STPG2: variants seen among roughly 807,000 people sequenced by gnomAD.
STPG2 encodes the protein sperm-tail PG-rich repeat-containing protein 2.
STPG2 carries 56 observed loss-of-function variants against 54.2 expected under a neutral mutation model. The ratio of observed to expected loss-of-function variants is 1.03; its 90% CI spans 0.83 to 1.29. The LOEUF (loss-of-function observed/expected upper bound fraction) is 1.29, where lower values mean the gene tolerates loss of function less well. Among genes scored for constraint, STPG2 ranks in the 50% most tolerant of loss-of-function variants. The pLI, the probability that STPG2 is intolerant of heterozygous loss-of-function variation, is 0.00. For synonymous variants in STPG2, 200 were observed against 181.8 expected (o/e 1.10, Z -0.81); for missense variants, 596 against 544.9 (o/e 1.09, Z -0.93).
intron 4 of STPG2, among the ~76,000 whole-genome samples, chr4:97,534,526 A>G (rs1731486378): frequency 6.6e-6 from 1 of 152,124 alleles, no homozygotes; most frequent in Non-Finnish European, 1.5e-5. Context: ...ACATTTTTTG[A>G]AAAGACTTTT....
chr4:97,959,959 G>C (rs1733827399), intron 7 of STPG2, among the ~76,000 whole-genome samples: 2 of 152,182 alleles, frequency 1.3e-5, no homozygotes, highest in South Asian at 4.1e-4. Flanking sequence ...CAAAATACTA[G>C]CTCACTGAAT....
intron 5 of STPG2, among the ~76,000 whole-genome samples, chr4:98,075,312 G>A (rs1030812219): frequency 2.6e-4 from 40 of 152,288 alleles, no homozygotes; most frequent in Non-Finnish European, 4.7e-4. Context: ...CACAGCATGT[G>A]AGGATTGCTT....
At chr4:97,987,807 C>T (rs886678526) in intron 5 of STPG2, among the ~76,000 whole-genome samples, 76 of 151,922 alleles carry the variant, frequency 5.0e-4, no homozygotes, top group African/African-American at 1.8e-3. Context: ...CCACAACTAC[C>T]ACTCTGATCA....
At chr4:98,018,193 G>C (rs1736033580) in intron 5 of STPG2, among the ~76,000 whole-genome samples, 1 of 151,158 alleles carries the variant, frequency 6.6e-6, no homozygotes. Flanking sequence ...ACAGTCCCCA[G>C]AGTGTGATGT....
At chr4:97,550,715 T>G (rs1377041671) in intron 4 of STPG2, among the ~76,000 whole-genome samples, 2 of 152,202 alleles carry the variant, frequency 1.3e-5, no homozygotes, top group Non-Finnish European at 2.9e-5. Flanking sequence ...GTCCAGAGTT[T>G]GTTCCTTCAG....
intron 5 of STPG2, among the ~76,000 whole-genome samples, chr4:98,102,823 CAT>C (rs1739083033): frequency 3.3e-5 from 4 of 121,312 alleles, no homozygotes; most frequent in African/African-American, 6.4e-5. Flanking sequence ...ATATATATAA[CAT>C]ATATTAATAT....
intron 8 of STPG2, among the ~76,000 whole-genome samples, 153 bp from the exon 9 acceptor site, chr4:97,841,085 T>C (rs1207529770): frequency 6.6e-6 from 1 of 151,728 alleles, no homozygotes; most frequent in Admixed American, 6.6e-5. Flanking sequence ...AAAGGAATTC[T>C]TAAATCTAGC....
chr4:97,723,092 G>C (rs920933162), intron 9 of STPG2, among the ~76,000 whole-genome samples: 3 of 151,422 alleles, frequency 2.0e-5, no homozygotes, highest in Admixed American at 6.6e-5. Flanking sequence ...GATTACAGGC[G>C]TGAGCCACCG....
At chr4:97,965,368 T>C (rs189091594) in intron 7 of STPG2, among the ~76,000 whole-genome samples, 235 of 152,312 alleles carry the variant, frequency 1.5e-3, no homozygotes, top group African/African-American at 5.6e-3. Context: ...CCACTGCAGC[T>C]CAGCAAGGCC....
At chr4:97,814,902 G>C (rs1344830515) in intron 9 of STPG2, among the ~76,000 whole-genome samples, 2 of 152,074 alleles carry the variant, frequency 1.3e-5, no homozygotes, top group Non-Finnish European at 2.9e-5. Context: ...GGGACCCTGT[G>C]ATCGTGTGAG....
chr4:97,665,457 T>G (rs903523173), intron 10 of STPG2, among the ~76,000 whole-genome samples: 3 of 152,056 alleles, frequency 2.0e-5, no homozygotes, highest in African/African-American at 4.8e-5. Flanking sequence ...CTGGGGTGGG[T>G]AGCTCCCCTC....
At chr4:98,114,758 TTTTTTTTTGTGTG>T (rs1293375274) in intron 3 of STPG2, among the ~76,000 whole-genome samples, 1 of 35,774 alleles carries the variant, frequency 2.8e-5, no homozygotes, top group Non-Finnish European at 6.1e-5. Flanking sequence ...TATCCATTTT[TTTTTTTTTGTGTG>T]TGTGTGTGTG....
At position 97,454,077 on chromosome 4, in the gene STPG2, A is replaced by G. The variant is rs1689155003; in HGVS notation, c.462+258622T>C. On this transcript the variant is annotated intron_variant, in intron 4 of 4. Transcript: ENST00000522676. ...GAAAGATTTATAAAACTGAGATAGT[A>G]CCACACATTATAAAACAATATAAAT... Among the ~76,000 whole-genome samples, 3 of 152,204 alleles carry G rather than the reference A, an allele frequency of 2.0e-5. No homozygotes were observed. In the South Asian group the frequency reaches 6.2e-4, roughly 31 times the overall value.
At chr4:97,591,574 C>T (rs544992330) in intron 10 of STPG2, among the ~76,000 whole-genome samples, 1 of 152,110 alleles carries the variant, frequency 6.6e-6, no homozygotes, top group South Asian at 2.1e-4. Context: ...GATCACCACA[C>T]TTGAAGGTGA....
chr4:98,109,330 G>C, intron 3 of STPG2, 25 bp from the exon 4 acceptor site: 1 of 1,530,294 alleles, frequency 6.5e-7, no homozygotes, highest in African/African-American at 1.4e-5. Flanking sequence ...GTTTTAAAAA[G>C]TGAGGATGAA....
intron 8 of STPG2, among the ~76,000 whole-genome samples, chr4:97,870,727 T>C (rs1030087084): frequency 2.0e-5 from 3 of 151,270 alleles, no homozygotes; most frequent in African/African-American, 4.8e-5. Flanking sequence ...GTAGGAGTCA[T>C]TAAACTCAAA....
intron 5 of STPG2, among the ~76,000 whole-genome samples, chr4:98,081,193 C>T (rs1738331958): frequency 6.6e-6 from 1 of 152,142 alleles, no homozygotes; most frequent in Non-Finnish European, 1.5e-5. Flanking sequence ...ATTAAGTGTT[C>T]TAGATTAAAA....
chr4:97,694,930 T>C (rs779478805), intron 10 of STPG2, among the ~76,000 whole-genome samples: 3 of 147,276 alleles, frequency 2.0e-5, no homozygotes, highest in Non-Finnish European at 3.0e-5. Flanking sequence ...TTAGTACCAA[T>C]CTTATTGACA....
chr4:97,987,756 A>T (rs1734872209), intron 5 of STPG2, among the ~76,000 whole-genome samples: 1 of 152,048 alleles, frequency 6.6e-6, no homozygotes, highest in African/African-American at 2.4e-5. Flanking sequence ...TGTCATTTCT[A>T]TCTTTATAAT....
Sources: allele counts gnomAD v4.1 joint callset (sites outside exome capture counted in the v4.1 genomes callset), GRCh38; gene constraint gnomAD v4.1.1; transcripts MANE v1.5; gene names NCBI Gene and HGNC (gene_info 2026-07-23, HGNC 2026-07-21).